Variants in PDXDC1 observed in about 807,000 individuals in gnomAD.
The protein encoded by PDXDC1 is pyridoxal dependent decarboxylase domain containing 1, also known as pyridoxal-dependent decarboxylase domain-containing protein 1.
A neutral mutation model predicts 100.1 loss-of-function variants in PDXDC1; 42 were observed. That is an observed-to-expected ratio of 0.42 (90% CI 0.33 to 0.54). The LOEUF (loss-of-function observed/expected upper bound fraction) is 0.54, where lower values mean the gene tolerates loss of function less well. Among genes scored for constraint, PDXDC1 ranks in the 20% least tolerant of loss-of-function variants. The pLI is 0.10. For synonymous variants in PDXDC1, 260 were observed against 371.7 expected, an observed-to-expected ratio of 0.70 and a Z score of 3.46; for missense variants, 636 against 979.2, an observed-to-expected ratio of 0.65 and a Z score of 4.68.
At position 15,094,482 on chromosome 16, in the gene PDXDC1, A is replaced by G. The variant is rs2046280229; in HGVS notation, c.1400-44397A>G. On this transcript the variant is annotated intron_variant, in intron 16 of 16. Coordinates refer to the PDXDC1 transcript ENST00000535621. The stretch of plus-strand genomic sequence containing the variant: ...GAGACGGGAAGGACCGGCTCCATCC[A>G]GCCCTGAGGATCCCGAAGAAAGGGT... 51 of 552,944 alleles carry G rather than the reference A, an allele frequency of 9.2e-5. No individual in the cohort carries two copies. In the East Asian group the frequency reaches 1.6e-3, roughly 17 times the overall value. 34.3% of individuals were successfully genotyped at this position (552,944 alleles called of 1,614,324 possible).
the PDXDC1 span, among the ~76,000 whole-genome samples, chr16:15,148,621 C>T: frequency 6.6e-6 from 1 of 151,372 alleles, no homozygotes; most frequent in Non-Finnish European, 1.5e-5. Context: ...TGGGCTCAAG[C>T]GATCCACCCA....
intron 16 of PDXDC1, among the ~76,000 whole-genome samples, chr16:15,093,463 C>T (rs1442750422): frequency 6.6e-6 from 1 of 152,136 alleles, no homozygotes; most frequent in Non-Finnish European, 1.5e-5. Flanking sequence ...CTGCCTTTCC[C>T]CCCTATGCTG....
chr16:15,013,904 T>A (rs376641297), intron 8 of PDXDC1, among the ~76,000 whole-genome samples: 1 of 144,440 alleles, frequency 6.9e-6, no homozygotes, highest in Admixed American at 7.0e-5. Flanking sequence ...AAAATCATAC[T>A]ACAATAAAAC....
intron 16 of PDXDC1, among the ~76,000 whole-genome samples, chr16:15,063,724 A>G (rs1272424226): frequency 1.4e-5 from 2 of 146,120 alleles, no homozygotes; most frequent in African/African-American, 2.5e-5. Context: ...AAAAAAAAAG[A>G]AAAAAACAAA....
intron 15 of PDXDC1, chr16:15,029,608 G>A (rs1346399029): frequency 2.1e-6 from 1 of 478,740 alleles, no homozygotes; most frequent in African/African-American, 1.9e-5. Context: ...CATGTTTTAT[G>A]ACAACAACTA....
At position 15,001,801 on chromosome 16, in the gene PDXDC1, CAGTT is replaced by C. The variant is rs755845639; in HGVS notation, c.192_195del (p.Leu64PhefsTer46). ...TGGGCAAGATATGGTGAGCATCCTC[CAGTT>C]AGTTCAGAATCTCATGCATGGAGAT... On this transcript the variant is annotated frameshift_variant, in exon 4 of 23. Coordinates refer to ENST00000396410, the MANE Select transcript of PDXDC1 (RefSeq NM_015027.4). LOFTEE classifies it high-confidence loss of function. 6.2e-7 allele frequency: 1 copy of C among 1,611,364 alleles called. No homozygotes were observed. The highest frequency in any genetic ancestry group is 2.2e-5 in the East Asian group (1 of 44,796).
intron 14 of PDXDC1, among the ~76,000 whole-genome samples, chr16:15,027,727 C>T (rs1395343321): frequency 6.6e-6 from 1 of 152,296 alleles, no homozygotes; most frequent in Non-Finnish European, 1.5e-5. Flanking sequence ...GCCTGCTCTC[C>T]ATGACCAGCC....
rs766931796 is a variant in PDXDC1, at chr16:15,104,596, A to C, written c.1400-34283A>C. The C allele has an allele frequency of 2.5e-6, 4 of 1,599,272 alleles. No homozygotes were observed. The Admixed American group carries it at 6.7e-5, about 27-fold the overall frequency. ...GAGGGTGGAAGGGGATAGAGCAGAC[A>C]CTCCGCAGGTGTCTTGAGGCTCAGG... On this transcript the variant is annotated intron_variant, in intron 16 of 16. Transcript: ENST00000535621.
intron 1 of PDXDC1, among the ~76,000 whole-genome samples, chr16:14,980,354 G>A (rs983539532): frequency 3.0e-4 from 46 of 152,352 alleles, no homozygotes; most frequent in African/African-American, 1.1e-3. Context: ...GGAGTGCAGT[G>A]GTGCGATCTC....
At chr16:15,033,979 C>G (rs1012412283) in intron 19 of PDXDC1, 2 of 484,418 alleles carry the variant, frequency 4.1e-6, no homozygotes, top group Admixed American at 3.4e-5. Context: ...ATTGGACATG[C>G]GGCCGAGAAG....
chr16:15,130,976 A>G, intron 16 of PDXDC1: 1 of 801,184 alleles, frequency 1.2e-6, no homozygotes, highest in Non-Finnish European at 2.1e-6. Context: ...CCAGCAGCCC[A>G]TGAAACAGAA....
chr16:15,083,706 C>G (rs1439999826), intron 16 of PDXDC1: 1 of 1,379,428 alleles, frequency 7.2e-7, no homozygotes. Context: ...ACCCCTACCT[C>G]AAAGAACTGG....
At chr16:15,100,624 T>C (rs976524520) in intron 16 of PDXDC1, among the ~76,000 whole-genome samples, 2 of 152,108 alleles carry the variant, frequency 1.3e-5, no homozygotes, top group South Asian at 2.1e-4. Flanking sequence ...CATTCAAAAA[T>C]ATCTCCAGAT....
intron 16 of PDXDC1, chr16:15,128,223 T>G: frequency 6.2e-7 from 1 of 1,611,146 alleles, no homozygotes; most frequent in Non-Finnish European, 8.5e-7. Flanking sequence ...CGCACAGACC[T>G]TTGTCGTGCC....
intron 3 of PDXDC1, among the ~76,000 whole-genome samples, chr16:15,000,623 A>C (rs1347477905): frequency 7.2e-5 from 11 of 152,294 alleles, no homozygotes; most frequent in Non-Finnish European, 1.3e-4. Context: ...TTGCTACTTC[A>C]GCCGTTCGAA....
intron 16 of PDXDC1, chr16:15,076,592 C>T: frequency 1.2e-6 from 2 of 1,613,366 alleles, no homozygotes; most frequent in East Asian, 2.2e-5. Context: ...ATCTGTCCCA[C>T]CACAAGTTTG....
At chr16:15,047,288 G>A (rs1033043270) in intron 16 of PDXDC1, 13 of 626,138 alleles carry the variant, frequency 2.1e-5, no homozygotes, top group African/African-American at 1.5e-4. Context: ...CACTGCTGAC[G>A]CAGTGCCCAC....
intron 13 of PDXDC1, among the ~76,000 whole-genome samples, chr16:15,023,337 T>C (rs1238654144): frequency 1.5e-4 from 23 of 152,292 alleles, no homozygotes; most frequent in Non-Finnish European, 2.8e-4. Flanking sequence ...TTTTGCTTCA[T>C]GGTATTTTAG....
chr16:15,047,270 C>CA lies in PDXDC1; in HGVS notation c.1399+17215dup, dbSNP rs574026932. On this transcript the variant is annotated intron_variant, in intron 16 of 16. Coordinates refer to the PDXDC1 transcript ENST00000535621. ...TGCCTGTGCCCAGCACCCACTCATT[C>CA]ACTCAACCACTGCTGACGCAGTGCC... 949 of 605,112 alleles carry CA rather than the reference C, an allele frequency of 1.6e-3. 1 individual carries two copies. The highest frequency in any genetic ancestry group is 2.2e-3 in the Non-Finnish European group (752 of 337,732). The allele number at this position is 605,112 out of a possible 1,614,324, so 37.5% of individuals were successfully genotyped here. A position where few individuals can be genotyped will look rare whatever the true frequency, so the allele number is the denominator to read the frequency against.
Sources: gnomAD v4.1 joint callset for allele counts (sites outside exome capture counted in the v4.1 genomes callset) on GRCh38, gnomAD v4.1.1 for gene constraint, MANE v1.5 for transcripts, NCBI Gene and HGNC (gene_info 2026-07-23, HGNC 2026-07-21) for gene names.